XPR1: variants seen among roughly 807,000 people sequenced by gnomAD.
XPR1 encodes xenotropic and polytropic retrovirus receptor 1.
Under a neutral mutation model 87.5 loss-of-function variants are expected in XPR1, and 28 were observed. The ratio of observed to expected loss-of-function variants is 0.32; its 90% confidence interval spans 0.24 to 0.44. The LOEUF (loss-of-function observed/expected upper bound fraction) is 0.44, where lower values mean the gene tolerates loss of function less well. XPR1 is among the 20% of genes least tolerant of loss of function. XPR1 has a pLI of 1.00. For synonymous variants in XPR1, 300 were observed against 306.1 expected (o/e 0.98, Z 0.21); for missense variants, 559 against 862.3 (o/e 0.65, Z 4.41).
chr1:180,825,261 C>G lies in XPR1; in HGVS notation c.1051C>G (p.Leu351Val). ...VIPTYVYPLA[L>V]YGFMVFFLIN... ...CCCCACATATGTGTATCCACTTGCC[C>G]TTTATGGATTTATGGTTTTCTTCCT... Residue 351 changes from leucine to valine, a missense_variant, in exon 9 of 15, where the codon CTT becomes GTT. By Grantham distance (32) the Leu-to-Val change is conservative. Around this residue, in one of 7 missense-constraint regions of XPR1, gnomAD observed 264 missense variants for 377.2 expected, o/e 0.70. Coordinates refer to ENST00000367590, the MANE Select transcript of XPR1 (RefSeq NM_004736.4). 6.2e-7 allele frequency: 1 copy of G among 1,614,028 alleles called. No individual in the cohort carries two copies. The highest frequency in any genetic ancestry group is 1.3e-5 in the African/African-American group (1 of 75,036).
chr1:180,701,678 CT>C (rs2101970270), intron 2 of XPR1, among the ~76,000 whole-genome samples: 1 of 136,198 alleles, frequency 7.3e-6, no homozygotes, highest in South Asian at 2.3e-4. Context: ...CTAAAATTCT[CT>C]TTTTTGGTTG....
intron 3 of XPR1, among the ~76,000 whole-genome samples, chr1:180,793,879 GTCTC>G (rs1296132807): frequency 6.6e-6 from 1 of 151,062 alleles, no homozygotes; most frequent in Non-Finnish European, 1.5e-5. Context: ...CCTTCCTTCT[GTCTC>G]TCTCCTATTT....
intron 2 of XPR1, among the ~76,000 whole-genome samples, chr1:180,713,679 T>C (rs1657883921): frequency 6.6e-6 from 1 of 152,228 alleles, no homozygotes; most frequent in South Asian, 2.1e-4. Flanking sequence ...GCGAATTACA[T>C]TGATTTTCAC....
chr1:180,765,288 A>G lies in XPR1; in HGVS notation c.122-22465A>G, dbSNP rs973731854. On this transcript the variant is annotated intron_variant, in intron 2 of 14. Coordinates refer to ENST00000367590, the MANE Select transcript of XPR1 (RefSeq NM_004736.4). ...TTTATATCCACAGTATAGTCTGCCA[A>G]ATTCCAAATTAACTTTACATTTGCC... Among the ~76,000 whole-genome samples, 7 of 152,174 alleles carry G rather than the reference A, an allele frequency of 4.6e-5. No individual in the cohort carries two copies. In the South Asian group the frequency reaches 1.2e-3, roughly 27 times the overall value.
At position 180,743,590 on chromosome 1, in the gene XPR1, C is replaced by T. The variant is rs114553802; in HGVS notation, c.122-44163C>T. Among the ~76,000 whole-genome samples, 1,136 of 152,174 alleles carry T rather than the reference C, an allele frequency of 7.5e-3. 12 individuals are homozygous for T. The highest frequency in any genetic ancestry group is 0.025 in the African/African-American group (1,034 of 41,534). ...ATATTTGCTGCTTCTGTTGATTTTCCTTCATTCCTGATGAGGTTTTGAGTT... is the reference window on the plus strand; with the variant it reads ...ATATTTGCTGCTTCTGTTGATTTTCTTTCATTCCTGATGAGGTTTTGAGTT... On this transcript the variant is annotated intron_variant, in intron 2 of 14. Coordinates refer to ENST00000367590, the MANE Select transcript of XPR1 (RefSeq NM_004736.4).
intron 2 of XPR1, among the ~76,000 whole-genome samples, chr1:180,780,872 TTG>T (rs1455753226): frequency 6.6e-6 from 1 of 151,974 alleles, no homozygotes; most frequent in Non-Finnish European, 1.5e-5. Context: ...TTTTCTCCCA[TTG>T]TGTTTGTCTT....
Position 180,787,789 on chromosome 1 carries a change from AGT to A in XPR1, c.159_160del (p.Lys53AsnfsTer2). The A allele has an allele frequency of 1.2e-6, 2 of 1,613,548 alleles. No homozygotes were observed. Among genetic ancestry groups the A allele is most frequent in the Non-Finnish European group, 1.7e-6 (2 of 1,179,830 alleles). ...GACACAGTAAAGAGGTATTTTGCCA[AGT>A]TTGAAGAGAAGTTTTTCCAAACCTG... On this transcript the variant is annotated frameshift_variant, in exon 3 of 15. Coordinates refer to ENST00000367590, the MANE Select transcript of XPR1 (RefSeq NM_004736.4). LOFTEE classifies it high-confidence loss of function.
chr1:180,874,321 A>G (rs151241358), intron 13 of XPR1, among the ~76,000 whole-genome samples: 1 of 152,116 alleles, frequency 6.6e-6, no homozygotes, highest in Non-Finnish European at 1.5e-5. Context: ...GAAATCAATC[A>G]TTTTTTGCAA....
In XPR1 at chr1:180,797,361, T is replaced by A. The variant is rs559785238; in HGVS notation, c.224-6027T>A. 7.2e-4 allele frequency among the ~76,000 whole-genome samples: 109 copies of A among 152,284 alleles called. 1 individual carries two copies. The highest frequency in any genetic ancestry group is 1.0e-4 in the Non-Finnish European group (7 of 68,006). ...GAGTTTCATTTGTGACTGAGAGAGT[T>A]GTTAAATATGAAAAACTTTATATAG... On this transcript the variant is annotated intron_variant, in intron 3 of 14. Transcript: ENST00000367590.
chr1:180,737,306 CT>C (rs1296807789), intron 2 of XPR1, among the ~76,000 whole-genome samples: 1 of 152,148 alleles, frequency 6.6e-6, no homozygotes, highest in Non-Finnish European at 1.5e-5. Context: ...ATTGAAATAC[CT>C]ACAGGTTGGT....
intron 1 of XPR1, among the ~76,000 whole-genome samples, chr1:180,667,179 C>T (rs1000935623): frequency 2.0e-5 from 3 of 152,212 alleles, no homozygotes; most frequent in African/African-American, 4.8e-5. Context: ...CTTCCCCTTA[C>T]TGGGATTACA....
intron 3 of XPR1, among the ~76,000 whole-genome samples, chr1:180,798,587 G>C (rs567505172): frequency 1.3e-5 from 2 of 152,158 alleles, no homozygotes; most frequent in Non-Finnish European, 2.9e-5. Context: ...AATCTCAGTA[G>C]TTCTTTTATT....
At chr1:180,839,655 T>C (rs1651436055) in intron 11 of XPR1, among the ~76,000 whole-genome samples, 1 of 152,156 alleles carries the variant, frequency 6.6e-6, no homozygotes, top group African/African-American at 2.4e-5. Context: ...AAGAAACGGT[T>C]TGTTATGTAC....
At chr1:180,836,127 G>A (rs1651282214) in intron 10 of XPR1, among the ~76,000 whole-genome samples, 1 of 152,130 alleles carries the variant, frequency 6.6e-6, no homozygotes. Context: ...AGGAGGCTGA[G>A]GTGGGCAGAT....
intron 2 of XPR1, among the ~76,000 whole-genome samples, chr1:180,784,998 C>CGTGTGTTT (rs1649080909): frequency 1.8e-5 from 1 of 55,266 alleles, no homozygotes; most frequent in African/African-American, 5.1e-5. Context: ...TAGTTTTTTT[C>CGTGTGTTT]GTGTGTGTGT....
intron 2 of XPR1, among the ~76,000 whole-genome samples, chr1:180,688,144 G>A (rs973852230): frequency 2.2e-4 from 33 of 149,242 alleles, no homozygotes; most frequent in Non-Finnish European, 4.1e-4. Context: ...TCCGCCTCCT[G>A]GGGGTTCAAG....
At chr1:180,696,814 C>T (rs963293511) in intron 2 of XPR1, among the ~76,000 whole-genome samples, 1 of 152,144 alleles carries the variant, frequency 6.6e-6, no homozygotes, top group African/African-American at 2.4e-5. Context: ...GTTGAGCCAT[C>T]CTTGCATCCC....
intron 2 of XPR1, among the ~76,000 whole-genome samples, chr1:180,761,111 T>G (rs548149305): frequency 1.3e-5 from 2 of 152,062 alleles, no homozygotes; most frequent in African/African-American, 2.4e-5. Context: ...ATAGAAAAAT[T>G]AATTCAAGAT....
At chr1:180,789,082 A>C (rs1363514339) in intron 3 of XPR1, among the ~76,000 whole-genome samples, 2 of 152,222 alleles carry the variant, frequency 1.3e-5, no homozygotes, top group Non-Finnish European at 2.9e-5. Context: ...CAGCTGCCAG[A>C]AGACAAGAGA....
Sources: allele counts gnomAD v4.1 joint callset (sites outside exome capture counted in the v4.1 genomes callset), GRCh38; gene constraint gnomAD v4.1.1; regional missense constraint gnomAD v4.1.1; transcripts MANE v1.5; gene names NCBI Gene and HGNC (gene_info 2026-07-23, HGNC 2026-07-21).